Variants in WAC observed in about 807,000 individuals in gnomAD.
The protein encoded by WAC is WW domain containing adaptor with coiled-coil, also known as WW domain-containing adapter protein with coiled-coil.
Under a neutral mutation model 79.6 loss-of-function variants are expected in WAC, and 11 were observed. The ratio of observed to expected loss-of-function variants is 0.14; its 90% CI spans 0.09 to 0.23. The LOEUF is 0.23. Ranked by LOEUF, WAC falls within the 10% of genes least tolerant of loss-of-function variation. The pLI is 1.00. For missense variants in WAC, 728 were observed against 773.5 expected, an observed-to-expected ratio of 0.94 and a Z score of 0.70; for synonymous variants, 304 against 276.9, an observed-to-expected ratio of 1.10 and a Z score of -0.97.
At chr10:28,600,188 C>T (rs940014233) in intron 7 of WAC, among the ~76,000 whole-genome samples, 1 of 151,124 alleles carries the variant, frequency 6.6e-6, no homozygotes, top group Admixed American at 6.6e-5. Context: ...TTAGTAATCT[C>T]AAGCTAGCTC....
intron 3 of WAC, among the ~76,000 whole-genome samples, chr10:28,575,772 TTC>T (rs1351436847): frequency 2.0e-5 from 3 of 152,230 alleles, no homozygotes; most frequent in Admixed American, 2.0e-4. Context: ...TCTTTTCACT[TTC>T]TGGTAGTGTC....
chr10:28,572,211 CATGTA>C (rs1839011368), intron 3 of WAC, among the ~76,000 whole-genome samples: 1 of 151,740 alleles, frequency 6.6e-6, no homozygotes, highest in Non-Finnish European at 1.5e-5. Context: ...GTGGCAGGTG[CATGTA>C]ATCCCAGCTA....
chr10:28,611,592 TAGTC>T (rs1841239274), intron 9 of WAC, 178 bp from the exon 10 acceptor site: 5 of 1,224,172 alleles, frequency 4.1e-6, no homozygotes, highest in Middle Eastern at 2.5e-4. Flanking sequence ...ACAGCTCACT[TAGTC>T]AGTGTGGCCC....
intron 3 of WAC, among the ~76,000 whole-genome samples, chr10:28,555,299 T>C (rs1458186891): frequency 2.6e-5 from 4 of 152,206 alleles, no homozygotes; most frequent in African/African-American, 7.2e-5. Context: ...TCCAACCTTA[T>C]ATCTCTGAGT....
chr10:28,606,355 G>C (rs920194497), intron 7 of WAC, among the ~76,000 whole-genome samples: 2 of 152,172 alleles, frequency 1.3e-5, no homozygotes, highest in African/African-American at 4.8e-5. Flanking sequence ...ATTTTCGCAA[G>C]GAAAACATTT....
chr10:28,593,920 A>G (rs1840225280), intron 6 of WAC, among the ~76,000 whole-genome samples: 2 of 152,096 alleles, frequency 1.3e-5, no homozygotes, highest in South Asian at 2.1e-4. Context: ...CAGAAGCACT[A>G]ATGACACTTT....
At chr10:28,555,303 T>TC (rs1161485397) in intron 3 of WAC, among the ~76,000 whole-genome samples, 14 of 152,292 alleles carry the variant, frequency 9.2e-5, no homozygotes, top group Non-Finnish European at 1.8e-4. Flanking sequence ...ACCTTATATC[T>TC]CTGAGTTATG....
Position 28,622,322 on chromosome 10 carries a change from AT to A in WAC, c.*2717del, listed in dbSNP as rs1841721493. ...AATGTTCTGGACTAGAGTATTCCTTATCTAGTTGGTTATGGATTTGAACATG... is the reference window on the plus strand; with the variant it reads ...AATGTTCTGGACTAGAGTATTCCTTACTAGTTGGTTATGGATTTGAACATG... On this transcript the variant is annotated 3_prime_UTR_variant, in exon 14 of 14. Coordinates refer to ENST00000354911, the MANE Select transcript of WAC (RefSeq NM_016628.5). 1 of 143,256 alleles carries A rather than the reference AT, an allele frequency of 7.0e-6. No individual in the cohort carries two copies. The highest frequency in any genetic ancestry group is 2.2e-4 in the South Asian group (1 of 4,600). 8.9% of individuals were successfully genotyped at this position (143,256 alleles called of 1,614,324 possible).
At chr10:28,612,175 G>A (rs998436569) in intron 10 of WAC, among the ~76,000 whole-genome samples, 1 of 152,174 alleles carries the variant, frequency 6.6e-6, no homozygotes, top group Non-Finnish European at 1.5e-5. Flanking sequence ...CACATGGAGA[G>A]TGAGATAAAG....
At chr10:28,608,577 AG>A in intron 8 of WAC, 146 bp downstream of exon 8, 1 of 925,494 alleles carries the variant, frequency 1.1e-6, no homozygotes, top group Non-Finnish European at 1.6e-6. Context: ...TTGTTTTTGG[AG>A]TTTGGAAATT....
intron 7 of WAC, among the ~76,000 whole-genome samples, chr10:28,604,795 T>G (rs563067167): frequency 6.6e-5 from 10 of 152,278 alleles, no homozygotes; most frequent in Admixed American, 6.5e-4. Context: ...ATAATAAATG[T>G]TATGTAATAG....
intron 4 of WAC, among the ~76,000 whole-genome samples, chr10:28,584,594 G>A: frequency 6.6e-6 from 1 of 152,136 alleles, no homozygotes; most frequent in East Asian, 1.9e-4. Flanking sequence ...TGAACAATGA[G>A]AAGGCTGACA....
intron 10 of WAC, 24 bp from the exon 11 acceptor site, chr10:28,614,543 T>C (rs1412553146): frequency 6.3e-7 from 1 of 1,582,510 alleles, no homozygotes; most frequent in South Asian, 1.1e-5. Context: ...TTGGAGACCA[T>C]CTCACCAGAT....
chr10:28,582,028 C>T (rs1481949002), intron 3 of WAC, among the ~76,000 whole-genome samples: 1 of 152,152 alleles, frequency 6.6e-6, no homozygotes, highest in East Asian at 1.9e-4. Context: ...TATCATACCA[C>T]CTACGTTGTT....
At chr10:28,588,423 T>A (rs919861480) in intron 4 of WAC, among the ~76,000 whole-genome samples, 1 of 152,206 alleles carries the variant, frequency 6.6e-6, no homozygotes, top group Non-Finnish European at 1.5e-5. Flanking sequence ...CCAACTGCCT[T>A]CAGAATTATT....
chr10:28,596,503 G>C (rs373182435), intron 7 of WAC, among the ~76,000 whole-genome samples: 1 of 152,196 alleles, frequency 6.6e-6, no homozygotes, highest in African/African-American at 2.4e-5. Flanking sequence ...AAGATAAGGC[G>C]TGTTAATGTC....
chr10:28,616,481 T>G, intron 12 of WAC, 119 bp downstream of exon 12: 4 of 868,380 alleles, frequency 4.6e-6, no homozygotes, highest in South Asian at 2.9e-5. Context: ...AATGAATCTC[T>G]AACTTTGTAG....
rs778825365 is a variant in WAC at position 28,610,827 on chromosome 10, C to G, written c.1288+6C>G. ...TGCTCAGCTCTCTACACAAGGTATT[C>G]TTACTCATCTTAGATATCTCTAGAA... is the stretch of plus-strand genomic sequence containing the variant. On this transcript the variant is annotated splice_donor_region_variant and intron_variant, in intron 9 of 13. Coordinates refer to ENST00000354911, the MANE Select transcript of WAC (RefSeq NM_016628.5). 1 of 1,590,778 alleles carries G rather than the reference C, an allele frequency of 6.3e-7. No homozygotes were observed. The highest frequency in any genetic ancestry group is 8.5e-7 in the Non-Finnish European group (1 of 1,173,070).
At chr10:28,565,948 G>C (rs760425811) in intron 3 of WAC, among the ~76,000 whole-genome samples, 35 of 152,118 alleles carry the variant, frequency 2.3e-4, no homozygotes, top group Non-Finnish European at 4.7e-4. Context: ...ATTAGAGTGT[G>C]CAGAAAGCAG....
Sources: gnomAD v4.1 joint callset for allele counts (sites outside exome capture counted in the v4.1 genomes callset) on GRCh38, gnomAD v4.1.1 for gene constraint, MANE v1.5 for transcripts, NCBI Gene and HGNC (gene_info 2026-07-23, HGNC 2026-07-21) for gene names.